KIR2DL3: variants seen among roughly 807,000 people sequenced by gnomAD.
The protein encoded by KIR2DL3 is killer cell immunoglobulin like receptor, two Ig domains and long cytoplasmic tail 3, also known as killer cell immunoglobulin-like receptor 2DL3.
KIR2DL3 carries 39 observed loss-of-function variants against 33.8 expected under a neutral mutation model. The observed-to-expected ratio is 1.15, with a 90% CI of 0.89 to 1.51. The LOEUF is 1.51. KIR2DL3 is among the 40% of genes most tolerant of loss of function. KIR2DL3 has a pLI of 0.00. For synonymous variants in KIR2DL3, 174 were observed against 160.2 expected, an observed-to-expected ratio of 1.09 and a Z score of -0.65; for missense variants, 462 against 426.2, an observed-to-expected ratio of 1.08 and a Z score of -0.74.
rs1361480018 is a variant in KIR2DL3 at position 54,739,975 on chromosome 19, A to T, written c.70+433A>T. Among the ~76,000 whole-genome samples the T allele has an allele frequency of 3.6e-3, 532 of 149,008 alleles. 4 individuals carry two copies. Among genetic ancestry groups the T allele is most frequent in the African/African-American group, 0.013 (510 of 40,638 alleles). On this transcript the variant is annotated intron_variant, in intron 2 of 7. Coordinates refer to ENST00000342376, the MANE Select transcript of KIR2DL3 (RefSeq NM_015868.3). ...TTCAGGCATCCGCTGATATCCATTC[A>T]CAAAGGACATGCCCTCCACCTCATG...
rs187471705 is a variant in KIR2DL3, at chr19:54,747,286, G to A, written c.665-49G>A. 1.1e-3 allele frequency: 1,784 copies of A among 1,602,390 alleles called. 28 individuals are homozygous for A. The African/African-American group carries it at 0.021, about 19-fold the overall frequency. ...CAACCTCAAAGATTTCCATTGAGTA[G>A]AGGACAGACACCCTCATTTCCTCAC... On this transcript the variant is annotated intron_variant, in intron 4 of 7. Transcript: ENST00000342376.
chr19:54,738,611 T>A lies in KIR2DL3; in HGVS notation c.34+32T>A, dbSNP rs753946981. 8.7e-6 allele frequency: 14 copies of A among 1,611,386 alleles called. No individual in the cohort carries two copies. In the African/African-American group the frequency reaches 9.5e-5, roughly 11 times the overall value. The stretch of plus-strand genomic sequence containing the variant: ...CCTGGAAGGGCATCGAGGGAGGGAG[T>A]GCGGGGATGGAGATCGGGGCCCAGA... On this transcript the variant is annotated intron_variant, in intron 1 of 7. Transcript: ENST00000342376.
chr19:54,742,446 C>G (rs1205382894), intron 3 of KIR2DL3, among the ~76,000 whole-genome samples, 167 bp downstream of exon 3: 3 of 151,446 alleles, frequency 2.0e-5, no homozygotes, highest in East Asian at 1.9e-4. Context: ...GACACAAGTA[C>G]AGACCAGGTG....
At chr19:54,738,901 GGGCCTGGAGTGGAGA>G (rs2070355230) in intron 1 of KIR2DL3, among the ~76,000 whole-genome samples, 1 of 146,420 alleles carries the variant, frequency 6.8e-6, no homozygotes, top group Non-Finnish European at 1.5e-5. Context: ...GTGGAGATAT[GGGCCTGGAGTGGAGA>G]TATGGGCCTG....
intron 4 of KIR2DL3, among the ~76,000 whole-genome samples, chr19:54,744,920 A>ATGTG (rs2072103761): frequency 4.4e-5 from 1 of 22,854 alleles, no homozygotes; most frequent in African/African-American, 1.4e-4. Context: ...ACATATATAA[A>ATGTG]CATATATATA....
rs2071726393 is a variant in KIR2DL3, at chr19:54,743,978, T to C, written c.554T>C (p.Phe185Ser). 6.2e-7 allele frequency: 1 copy of C among 1,614,110 alleles called. No homozygotes were observed. Among genetic ancestry groups the C allele is most frequent in the African/African-American group, 1.3e-5 (1 of 74,932 alleles). The part of the protein sequence containing the change: ...PKVNGTFQAD[F>S]PLGPATHGGT... ...GTCAACGGAACATTCCAGGCCGACTTTCCTCTGGGCCCTGCCACCCACGGA... is the reference window on the plus strand; with the variant it reads ...GTCAACGGAACATTCCAGGCCGACTCTCCTCTGGGCCCTGCCACCCACGGA... Residue 185 changes from phenylalanine (F) to serine (S), a missense_variant, in exon 4 of 8, where the codon TTT (phenylalanine) becomes TCT (serine). Transcript: ENST00000342376.
rs1399896645 is a variant in KIR2DL3 at position 54,745,082 on chromosome 19, T to A, written c.664+994T>A. Among the ~76,000 whole-genome samples the A allele has an allele frequency of 2.0e-5, 3 of 151,116 alleles. No individual in the cohort carries two copies. The East Asian group carries it at 5.9e-4, about 30-fold the overall frequency. On this transcript the variant is annotated intron_variant, in intron 4 of 7. Transcript: ENST00000342376. ...TATATGGGTGAGAAATGGGAATCTT[T>A]GTAATGACTTCCAGTTCCATCCATG...
chr19:54,745,763 A>T (rs1842164363), intron 4 of KIR2DL3, among the ~76,000 whole-genome samples: 2 of 151,266 alleles, frequency 1.3e-5, no homozygotes, highest in Admixed American at 6.6e-5. Context: ...TTTCTCTACC[A>T]CTTTGGCAGG....
At chr19:54,747,676 A>C (rs1452662161) in intron 5 of KIR2DL3, among the ~76,000 whole-genome samples, 4 of 152,180 alleles carry the variant, frequency 2.6e-5, no homozygotes, top group Non-Finnish European at 5.9e-5. Context: ...TGCATTCCTA[A>C]CTGGAGGATA....
rs575415614 is a variant in KIR2DL3 at position 54,752,413 on chromosome 19, A to C, written c.920A>C (p.Asn307Thr). Residue 307 changes from asparagine (N) to threonine (T), a missense_variant, in exon 8 of 8, where the codon AAT (asparagine) becomes ACT (threonine). Asn to Thr is a moderately conservative substitution (Grantham distance 65). Coordinates refer to ENST00000342376, the MANE Select transcript of KIR2DL3 (RefSeq NM_015868.3). ...CAGGAGGTGACATATGCACAGTTGA[A>C]TCACTGCGTTTTCACACAGAGAAAA... ...DPQEVTYAQL[N>T]HCVFTQRKIT... is the part of the protein sequence containing the mutation. The C allele has an allele frequency of 1.4e-6, 2 of 1,467,808 alleles. No individual in the cohort carries two copies. Among genetic ancestry groups the C allele is most frequent in the Admixed American group, 1.8e-5 (1 of 54,514 alleles). The allele number at this position is 1,467,808 out of a possible 1,614,324, so 90.9% of individuals were successfully genotyped here.
At position 54,751,688 on chromosome 19, in the gene KIR2DL3, T is replaced by A; in HGVS notation, c.755T>A (p.Val252Glu). 1.4e-6 allele frequency: 2 copies of A among 1,478,250 alleles called. No homozygotes were observed. The highest frequency in any genetic ancestry group is 1.8e-5 in the Admixed American group (1 of 54,924). The allele number at this position is 1,478,250 out of a possible 1,614,324, so 91.6% of individuals were successfully genotyped here. ...RHLHVLIGTSVVIILFILLLF... is the reference protein window; with the variant it reads ...RHLHVLIGTSEVIILFILLLF... ...CTGCATGTTCTGATTGGGACCTCAGTGGTCATCATCCTCTTCATCCTCCTC... is the reference window on the plus strand; with the variant it reads ...CTGCATGTTCTGATTGGGACCTCAGAGGTCATCATCCTCTTCATCCTCCTC... The change falls in exon 6 of 8, where the codon GTG becomes GAG. Residue 252 changes from valine to glutamate, a missense_variant. Transcript: ENST00000342376.
chr19:54,750,702 A>G (rs1392408249), intron 5 of KIR2DL3, among the ~76,000 whole-genome samples: 1 of 138,852 alleles, frequency 7.2e-6, no homozygotes, highest in East Asian at 2.0e-4. Context: ...CACTCCAGGG[A>G]GACAGAACAC....
rs758501092 is a variant in KIR2DL3 at position 54,742,247 on chromosome 19, C to A, written c.338C>A (p.Ala113Asp). Residue 113 changes from alanine (A) to aspartate (D), a missense_variant, in exon 3 of 8, where the codon GCT becomes GAT. Coordinates refer to ENST00000342376, the MANE Select transcript of KIR2DL3 (RefSeq NM_015868.3). Reference sequence around the variant, plus strand: ...ACTCACTCCCCCTATCAGTTGTCAGCTCCCAGTGACCCTCTGGACATCGTC... The same window carrying A: ...ACTCACTCCCCCTATCAGTTGTCAGATCCCAGTGACCCTCTGGACATCGTC... ...SVTHSPYQLS[A>D]PSDPLDIVIT... The A allele has an allele frequency of 8.7e-5, 140 of 1,614,074 alleles. No homozygotes were observed. In the South Asian group the frequency reaches 1.4e-3, roughly 16 times the overall value.
At chr19:54,747,728 G>A (rs200655837) in intron 5 of KIR2DL3, among the ~76,000 whole-genome samples, 1 of 152,184 alleles carries the variant, frequency 6.6e-6, no homozygotes, top group African/African-American at 2.4e-5. Context: ...GGGAACATCT[G>A]ATGAGGGCGA....
intron 4 of KIR2DL3, 36 bp downstream of exon 4, chr19:54,744,124 T>A (rs1439440111): frequency 1.2e-6 from 2 of 1,612,138 alleles, no homozygotes; most frequent in Non-Finnish European, 1.7e-6. Context: ...TGTCCTATGA[T>A]CCTAGAGCCT....
At chr19:54,741,592 C>T (rs2071123785) in intron 2 of KIR2DL3, among the ~76,000 whole-genome samples, 2 of 151,892 alleles carry the variant, frequency 1.3e-5, no homozygotes, top group Non-Finnish European at 2.9e-5. Context: ...TTCATCAGTT[C>T]ATACCTTCTG....
chr19:54,746,890 G>C (rs1348520142), intron 4 of KIR2DL3, among the ~76,000 whole-genome samples: 1 of 147,362 alleles, frequency 6.8e-6, no homozygotes, highest in South Asian at 2.3e-4. Context: ...TTTGAGGCCA[G>C]AGAATTGATT....
chr19:54,745,137 C>T (rs2072249212), intron 4 of KIR2DL3, among the ~76,000 whole-genome samples: 1 of 151,504 alleles, frequency 6.6e-6, no homozygotes, highest in Non-Finnish European at 1.5e-5. Context: ...GTTATTCTTT[C>T]TATGGATGAG....
At position 54,743,829 on chromosome 19, in the gene KIR2DL3, G is replaced by A. The variant is rs545056777; in HGVS notation, c.405G>A (p.Pro135=). ...AGAAACCTTCTCTCTCAGCCCAGCC[G>A]GGCCCCACGGTTCTGGCAGGAGAGA... The part of the protein sequence containing the change: ...LYEKPSLSAQ[P]GPTVLAGESV... The change falls in exon 4 of 8, where the codon CCG becomes CCA. Residue 135 remains proline (P), a synonymous_variant. Transcript: ENST00000342376. The A allele has an allele frequency of 4.8e-5, 77 of 1,611,854 alleles. No individual in the cohort carries two copies. In the East Asian group the frequency reaches 1.3e-3, roughly 27 times the overall value.
Sources: allele counts gnomAD v4.1 joint callset (sites outside exome capture counted in the v4.1 genomes callset), GRCh38; gene constraint gnomAD v4.1.1; transcripts MANE v1.5; gene names NCBI Gene and HGNC (gene_info 2026-07-23, HGNC 2026-07-21).